NUDCD3: variants seen among roughly 807,000 people sequenced by gnomAD.
NUDCD3 encodes nudC domain-containing protein 3.
In NUDCD3, 13 loss-of-function variants were observed where a neutral mutation model predicts 39.7. The observed-to-expected ratio is 0.33, with a 90% CI of 0.21 to 0.52. The LOEUF (loss-of-function observed/expected upper bound fraction) is 0.52, where lower values mean the gene tolerates loss of function less well. Ranked by LOEUF, NUDCD3 falls within the 20% of genes least tolerant of loss-of-function variation. The pLI is 0.96. For missense variants in NUDCD3, 453 were observed against 458.1 expected, an observed-to-expected ratio of 0.99 and a Z score of 0.10; for synonymous variants, 175 against 172.4, an observed-to-expected ratio of 1.02 and a Z score of -0.12.
chr7:44,439,609 A>C (rs1799537425), intron 2 of NUDCD3, among the ~76,000 whole-genome samples: 1 of 151,088 alleles, frequency 6.6e-6, no homozygotes, highest in African/African-American at 2.4e-5. Context: ...AAAAAAAAAA[A>C]CAGTTGGGGA....
chr7:44,406,043 A>C (rs1798814289), intron 3 of NUDCD3, among the ~76,000 whole-genome samples: 1 of 152,072 alleles, frequency 6.6e-6, no homozygotes, highest in Non-Finnish European at 1.5e-5. Flanking sequence ...AAGTGATCCT[A>C]CTGCCTCAGC....
intron 3 of NUDCD3, among the ~76,000 whole-genome samples, chr7:44,414,403 T>C (rs1798983177): frequency 6.6e-6 from 1 of 152,212 alleles, no homozygotes; most frequent in African/African-American, 2.4e-5. Flanking sequence ...GGGAGTCACT[T>C]TGGTGCGGCC....
In NUDCD3 at chr7:44,380,072, C is replaced by T. The variant is rs147047306; in HGVS notation, c.*5939G>A. 14 of 152,440 alleles carry T rather than the reference C, an allele frequency of 9.2e-5. No homozygotes were observed. Among genetic ancestry groups the T allele is most frequent in the Admixed American group, 5.2e-4 (8 of 15,314 alleles). 9.4% of individuals were successfully genotyped at this position (152,440 alleles called of 1,614,324 possible). ...CTTTAGGTATACCTTCCTACCAGGA[C>T]ATGAGAGCCCACAGTGGCTGGGGTC... On this transcript the variant is annotated 3_prime_UTR_variant, in exon 6 of 6. Transcript: ENST00000355451.
intron 3 of NUDCD3, among the ~76,000 whole-genome samples, chr7:44,424,327 A>C (rs1215085714): frequency 6.6e-6 from 1 of 152,230 alleles, no homozygotes. Flanking sequence ...TCTGCTCAGC[A>C]AAAGAAACTA....
At chr7:44,444,782 T>A (rs1191041568) in intron 2 of NUDCD3, among the ~76,000 whole-genome samples, 1 of 152,144 alleles carries the variant, frequency 6.6e-6, no homozygotes, top group Non-Finnish European at 1.5e-5. Context: ...GCCTCATGCC[T>A]CACTCTTCCT....
intron 2 of NUDCD3, among the ~76,000 whole-genome samples, chr7:44,483,680 C>G (rs1317470761): frequency 2.0e-5 from 3 of 152,026 alleles, no homozygotes; most frequent in African/African-American, 7.2e-5. Flanking sequence ...CCCCTCCTGT[C>G]TTTACAAAAC....
At chr7:44,459,316 G>A (rs947984440) in intron 2 of NUDCD3, among the ~76,000 whole-genome samples, 2 of 150,852 alleles carry the variant, frequency 1.3e-5, no homozygotes, top group African/African-American at 2.4e-5. Flanking sequence ...CTCCCATCTC[G>A]GCCCCCTGAA....
chr7:44,380,319 T>G lies in NUDCD3; in HGVS notation c.*5692A>C, dbSNP rs1309239504. ...TGTAAGCCTTTCTGCCTGGACAGCC[T>G]CATTGAGACAGCCCTAGACTAACAG... On this transcript the variant is annotated 3_prime_UTR_variant, in exon 6 of 6. Coordinates refer to ENST00000355451, the MANE Select transcript of NUDCD3 (RefSeq NM_015332.4). 1 of 152,354 alleles carries G rather than the reference T, an allele frequency of 6.6e-6. No homozygotes were observed. The highest frequency in any genetic ancestry group is 1.5e-5 in the Non-Finnish European group (1 of 68,148). 9.4% of individuals were successfully genotyped at this position (152,354 alleles called of 1,614,324 possible). A position where few individuals can be genotyped will look rare whatever the true frequency, so the allele number is the denominator to read the frequency against.
At chr7:44,436,114 A>T (rs1452099658) in intron 2 of NUDCD3, among the ~76,000 whole-genome samples, 1 of 152,242 alleles carries the variant, frequency 6.6e-6, no homozygotes, top group Non-Finnish European at 1.5e-5. Flanking sequence ...GAAGAAAAAA[A>T]AATTTTTTGA....
intron 2 of NUDCD3, among the ~76,000 whole-genome samples, chr7:44,447,537 G>T (rs1002849585): frequency 1.4e-4 from 22 of 152,144 alleles, no homozygotes; most frequent in African/African-American, 5.3e-4. Flanking sequence ...CTGTCACCAC[G>T]TGAGGACACA....
intron 2 of NUDCD3, chr7:44,467,825 A>AAAAAAAGAAAAGAAAAGGCTCTCT (rs1253518674): frequency 1.9e-4 from 223 of 1,144,396 alleles, no homozygotes; most frequent in Admixed American, 4.0e-4. Context: ...AGTAAAAAAA[A>AAAAAAAGAAAAGAAAAGGCTCTCT]AAAAAAGAAA....
chr7:44,388,962 G>T (rs940187912), intron 5 of NUDCD3, among the ~76,000 whole-genome samples: 1 of 152,218 alleles, frequency 6.6e-6, no homozygotes, highest in Non-Finnish European at 1.5e-5. Context: ...TAACTGGGTC[G>T]CTGCCCAGTC....
chr7:44,462,040 C>T (rs1268744495), intron 2 of NUDCD3, among the ~76,000 whole-genome samples: 1 of 152,170 alleles, frequency 6.6e-6, no homozygotes, highest in Non-Finnish European at 1.5e-5. Flanking sequence ...GTAGTCTCCC[C>T]AAGAGATGTT....
rs1403293030 is a variant in NUDCD3, at chr7:44,381,325, T to C, written c.*4686A>G. 2 of 152,264 alleles carry C rather than the reference T, an allele frequency of 1.3e-5. No individual in the cohort carries two copies. The highest frequency in any genetic ancestry group is 1.9e-4 in the East Asian group (1 of 5,196). The allele number at this position is 152,264 out of a possible 1,614,324, so 9.4% of individuals were successfully genotyped here. On this transcript the variant is annotated 3_prime_UTR_variant, in exon 6 of 6. Transcript: ENST00000355451. ...AGAGAGTGTGGCATGGCCAGGACTG[T>C]ACCTGGGGCAGATGGTCTTGCTCTT...
chr7:44,413,599 T>A (rs1162935452), intron 3 of NUDCD3, among the ~76,000 whole-genome samples: 1 of 152,204 alleles, frequency 6.6e-6, no homozygotes, highest in Non-Finnish European at 1.5e-5. Context: ...ATACTACACA[T>A]AGATACTATT....
chr7:44,473,483 G>C (rs1413663760), intron 2 of NUDCD3, among the ~76,000 whole-genome samples: 3 of 152,138 alleles, frequency 2.0e-5, no homozygotes, highest in Non-Finnish European at 4.4e-5. Flanking sequence ...CTGGCAACAG[G>C]AAGTATTCAG....
intron 1 of NUDCD3, among the ~76,000 whole-genome samples, chr7:44,489,339 C>G (rs1800684003): frequency 6.6e-6 from 1 of 152,202 alleles, no homozygotes; most frequent in African/African-American, 2.4e-5. Flanking sequence ...GAAATTGAAT[C>G]CTAATGGAAC....
chr7:44,462,992 T>C (rs1169206206), intron 2 of NUDCD3, among the ~76,000 whole-genome samples: 2 of 142,514 alleles, frequency 1.4e-5, no homozygotes, highest in East Asian at 2.0e-4. Flanking sequence ...TGTGTGTGTA[T>C]ACACAAAGAT....
At chr7:44,429,780 C>T (rs1799317100) in intron 2 of NUDCD3, among the ~76,000 whole-genome samples, 1 of 152,012 alleles carries the variant, frequency 6.6e-6, no homozygotes, top group Non-Finnish European at 1.5e-5. Flanking sequence ...CCAGGAGTTA[C>T]ATAGGATTCC....
Sources: gnomAD v4.1 joint callset for allele counts (sites outside exome capture counted in the v4.1 genomes callset) on GRCh38, gnomAD v4.1.1 for gene constraint, MANE v1.5 for transcripts, NCBI Gene and HGNC (gene_info 2026-07-23, HGNC 2026-07-21) for gene names.